The following MAST2 variants were observed in gnomAD, a reference collection of about 807,000 sequenced individuals.
MAST2 encodes the protein microtubule-associated serine/threonine-protein kinase 2.
Under a neutral mutation model 147.4 loss-of-function variants are expected in MAST2, and 70 were observed. The observed-to-expected ratio is 0.47, with a 90% CI of 0.39 to 0.58. The LOEUF is 0.58. Ranked by LOEUF, MAST2 falls within the 20% of genes least tolerant of loss-of-function variation. MAST2 has a pLI of 0.00. For missense variants in MAST2, 2,080 were observed against 2,302.3 expected, an observed-to-expected ratio of 0.90 and a Z score of 1.98; for synonymous variants, 869 against 896.8, an observed-to-expected ratio of 0.97 and a Z score of 0.55.
intron 9 of MAST2, among the ~76,000 whole-genome samples, chr1:46,008,668 A>G (rs1645589003): frequency 6.6e-6 from 1 of 152,234 alleles, no homozygotes; most frequent in Non-Finnish European, 1.5e-5. Flanking sequence ...CCCACCATAT[A>G]TTAAAGAGGA....
Position 46,035,123 on chromosome 1 carries a change from G to A in MAST2, c.4454G>A (p.Arg1485Gln), listed in dbSNP as rs1360835184. ...GCCCTAGGCACCCTCCGGCAGGACCGAGCCGAACGACGGGAGTCGCTGCAG... is the reference window on the plus strand; with the variant it reads ...GCCCTAGGCACCCTCCGGCAGGACCAAGCCGAACGACGGGAGTCGCTGCAG... The part of the protein sequence containing the change: ...SRALGTLRQD[R>Q]AERRESLQKQ... The change falls in exon 29 of 29, where the codon CGA becomes CAA. Residue 1485 changes from arginine to glutamine, a missense_variant. Physicochemically the swap from Arg to Gln is conservative, Grantham distance 43. Coordinates refer to ENST00000361297, the MANE Select transcript of MAST2 (RefSeq NM_015112.3). This position sits in a 1 kb window ranked among gnomAD's most constrained non-coding sequence, Gnocchi z 5.5. 7 of 1,613,552 alleles carry A rather than the reference G, an allele frequency of 4.3e-6. No individual in the cohort carries two copies. The highest frequency in any genetic ancestry group is 2.2e-5 in the East Asian group (1 of 44,880).
intron 11 of MAST2, 38 bp from the exon 12 acceptor site, chr1:46,021,912 T>C (rs561727577): frequency 1.2e-6 from 2 of 1,610,538 alleles, no homozygotes; most frequent in African/African-American, 1.3e-5. Context: ...CTTTCGCTTA[T>C]ATCTGTCACC....
intron 4 of MAST2, among the ~76,000 whole-genome samples, chr1:45,889,555 C>T (rs1273239197): frequency 6.6e-6 from 1 of 152,070 alleles, no homozygotes; most frequent in Non-Finnish European, 1.5e-5. Flanking sequence ...CTATATTTTT[C>T]TCCATGTTTT....
rs550068568 is a variant in MAST2, at chr1:45,979,558, C to T, written c.593-18166C>T. 2.6e-5 allele frequency among the ~76,000 whole-genome samples: 4 copies of T among 152,088 alleles called. No individual in the cohort carries two copies. The East Asian group carries it at 7.7e-4, about 29-fold the overall frequency. The stretch of plus-strand genomic sequence containing the variant: ...AAGTCATTAATAACAATCAGCTTAG[C>T]TGGGCACAGTGACTCACACCTGTAA... On this transcript the variant is annotated intron_variant, in intron 5 of 28. Coordinates refer to ENST00000361297, the MANE Select transcript of MAST2 (RefSeq NM_015112.3).
Position 46,006,357 on chromosome 1 carries a change from G to A in MAST2, c.864G>A (p.Arg288=). ...STESVPDEEG[R]QSPAMRPRSR... is the part of the protein sequence containing the mutation. ...AGAGCGTACCAGATGAGGAAGGACG[G>A]CAGTCCCCAGCCATGCGGCCTCGCT... The change falls in exon 8 of 29, where the codon CGG becomes CGA. Residue 288 remains arginine (R), a synonymous_variant. Transcript: ENST00000361297. 1 of 1,613,456 alleles carries A rather than the reference G, an allele frequency of 6.2e-7. No individual in the cohort carries two copies. The highest frequency in any genetic ancestry group is 8.5e-7 in the Non-Finnish European group (1 of 1,179,628).
At chr1:45,853,341 T>G (rs1471951095) in intron 3 of MAST2, among the ~76,000 whole-genome samples, 1 of 152,160 alleles carries the variant, frequency 6.6e-6, no homozygotes, top group East Asian at 1.9e-4. Flanking sequence ...CATAACACAT[T>G]TATTAATTTT....
chr1:45,917,451 A>G lies in MAST2; in HGVS notation c.500+35056A>G, dbSNP rs923216828. On this transcript the variant is annotated intron_variant, in intron 4 of 28. Transcript: ENST00000361297. ...ATTTAGTGCTGATTGTGCTTTGGCT[A>G]CTTCTCCTCTTGCCATTTTCCTGAA... 5 of 1,366,342 alleles carry G rather than the reference A, an allele frequency of 3.7e-6. No homozygotes were observed. The Admixed American group carries it at 5.7e-5, about 16-fold the overall frequency. The allele number at this position is 1,366,342 out of a possible 1,614,324, so 84.6% of individuals were successfully genotyped here.
At chr1:46,005,497 G>C (rs946793511) in intron 7 of MAST2, among the ~76,000 whole-genome samples, 11 of 152,146 alleles carry the variant, frequency 7.2e-5, no homozygotes, top group African/African-American at 2.7e-4. Flanking sequence ...GACTGAATGG[G>C]TGCTTCAGCA....
At chr1:45,970,798 GTTTTTTT>G (rs770669631) in intron 5 of MAST2, among the ~76,000 whole-genome samples, 1 of 130,710 alleles carries the variant, frequency 7.7e-6, no homozygotes, top group African/African-American at 2.9e-5. Context: ...ACTAAGAAGT[GTTTTTTT>G]TTTTTTTTTT....
rs145032584 is a variant in MAST2 at position 46,007,251 on chromosome 1, A to C, written c.902+856A>C. 3.8e-4 allele frequency among the ~76,000 whole-genome samples: 58 copies of C among 152,288 alleles called. 1 individual carries two copies. The East Asian group carries it at 0.011, about 28-fold the overall frequency. Reference sequence around the variant, plus strand: ...TCCCAGAGGAGCAGCAGTTCCTCCCAGAAAGAATCCCCTCAGGTAATGCTG... The same window carrying C: ...TCCCAGAGGAGCAGCAGTTCCTCCCCGAAAGAATCCCCTCAGGTAATGCTG... On this transcript the variant is annotated intron_variant, in intron 8 of 28. Transcript: ENST00000361297.
chr1:46,027,882 T>C lies in MAST2; in HGVS notation c.2052+19T>C, dbSNP rs199840302. ...CAAGCAGGTAAGGAAGGGTAGTTGA[T>C]ACACTGGGGGTTAAATTCTAGGCCC... On this transcript the variant is annotated intron_variant, in intron 17 of 28. Transcript: ENST00000361297. 65 of 1,613,388 alleles carry C rather than the reference T, an allele frequency of 4.0e-5. No homozygotes were observed. Among genetic ancestry groups the C allele is most frequent in the Non-Finnish European group, 5.3e-5 (63 of 1,179,668 alleles).
intron 3 of MAST2, among the ~76,000 whole-genome samples, chr1:45,877,931 C>T (rs778827485): frequency 6.6e-6 from 1 of 152,044 alleles, no homozygotes; most frequent in Non-Finnish European, 1.5e-5. Flanking sequence ...AGGTTGGGCA[C>T]GGTGGCTCAC....
chr1:46,023,366 T>G lies in MAST2; in HGVS notation c.1571+48T>G. ...GGCCAGGACTGAAGCCGGGTCAGCC[T>G]TTGATCTCTTCCATGTGAGAGTGTA... On this transcript the variant is annotated intron_variant, in intron 14 of 28. Coordinates refer to ENST00000361297, the MANE Select transcript of MAST2 (RefSeq NM_015112.3). The surrounding 1 kb of genome is among the most constrained non-coding windows in gnomAD (Gnocchi z 4.9). 6.5e-7 allele frequency: 1 copy of G among 1,536,302 alleles called. No homozygotes were observed. The highest frequency in any genetic ancestry group is 9.0e-7 in the Non-Finnish European group (1 of 1,110,098).
At chr1:45,903,779 T>C (rs1308469335) in intron 4 of MAST2, among the ~76,000 whole-genome samples, 2 of 152,236 alleles carry the variant, frequency 1.3e-5, no homozygotes, top group African/African-American at 4.8e-5. Flanking sequence ...GGATTCTTCC[T>C]GAATCGGGTC....
chr1:46,031,425 G>C lies in MAST2; in HGVS notation c.3027G>C (p.Leu1009=). The C allele has an allele frequency of 1.2e-6, 2 of 1,613,976 alleles. No homozygotes were observed. ...METRGRGTSQ[L]AEGATAKAIS... ...CCCGAGGCCGTGGGACCTCACAGCT[G>C]GCTGAGGGAGCCACAGCCAAGGCCA... The change falls in exon 24 of 29, where the codon CTG becomes CTC. Residue 1009 remains leucine, a synonymous_variant. Coordinates refer to ENST00000361297, the MANE Select transcript of MAST2 (RefSeq NM_015112.3). This position sits in a 1 kb window ranked among gnomAD's most constrained non-coding sequence, Gnocchi z 4.1.
chr1:46,025,636 G>C (rs776657080), intron 15 of MAST2, 41 bp from the exon 16 acceptor site: 1 of 1,612,800 alleles, frequency 6.2e-7, no homozygotes, highest in Admixed American at 1.7e-5. Flanking sequence ...CTAGAGCAGG[G>C]AACTGAATCC....
intron 4 of MAST2, among the ~76,000 whole-genome samples, chr1:45,934,254 G>C (rs1655843287): frequency 6.6e-6 from 1 of 152,104 alleles, no homozygotes; most frequent in Admixed American, 6.5e-5. Context: ...ATAATTTCCG[G>C]TGGGCGGATC....
Position 45,969,387 on chromosome 1 carries a change from T to C in MAST2, c.592+9910T>C, listed in dbSNP as rs147054594. ...AACCCCTGGGCCACGGACCGGTACT[T>C]CTCATGGCCTGTTAGAAACCAGGCC... On this transcript the variant is annotated intron_variant, in intron 5 of 28. Transcript: ENST00000361297. 5.9e-5 allele frequency among the ~76,000 whole-genome samples: 9 copies of C among 152,262 alleles called. No individual in the cohort carries two copies. In the East Asian group the frequency reaches 1.7e-3, roughly 29 times the overall value.
intron 15 of MAST2, among the ~76,000 whole-genome samples, chr1:46,025,349 G>A (rs1174342347): frequency 2.0e-5 from 3 of 152,114 alleles, no homozygotes; most frequent in Admixed American, 2.0e-4. Context: ...ATAACCATCA[G>A]ATCTCATGAG....
Sources: gnomAD v4.1 joint callset for allele counts (sites outside exome capture counted in the v4.1 genomes callset) on GRCh38, gnomAD v4.1.1 for gene constraint, Gnocchi (gnomAD v3.1) non-coding constraint, MANE v1.5 for transcripts, NCBI Gene and HGNC (gene_info 2026-07-23, HGNC 2026-07-21) for gene names.